Variants in WIPF3 observed in about 807,000 individuals in gnomAD.
The protein encoded by WIPF3 is WAS/WASL interacting protein family member 3.
A neutral mutation model predicts 38.9 loss-of-function variants in WIPF3; 33 were observed. That is an observed-to-expected ratio of 0.85 (90% CI 0.64 to 1.14). The LOEUF (loss-of-function observed/expected upper bound fraction) is 1.14, where lower values mean the gene tolerates loss of function less well. WIPF3 is among the 50% of genes most tolerant of loss of function. The probability of loss-of-function intolerance (pLI) is 0.00; values close to 1 mark genes in which losing one functional copy is unlikely to be tolerated. For missense variants in WIPF3, 711 were observed against 652.5 expected, an observed-to-expected ratio of 1.09 and a Z score of -0.98; for synonymous variants, 324 against 269.3, an observed-to-expected ratio of 1.20 and a Z score of -1.99.
intron 2 of WIPF3, among the ~76,000 whole-genome samples, chr7:29,854,304 A>G (rs1015036312): frequency 2.0e-5 from 3 of 152,226 alleles, no homozygotes; most frequent in African/African-American, 4.8e-5. Context: ...ATAGAATGCT[A>G]TTATAAGACC....
At chr7:29,838,049 G>T (rs190514109) in intron 2 of WIPF3, among the ~76,000 whole-genome samples, 4 of 152,296 alleles carry the variant, frequency 2.6e-5, no homozygotes, top group Admixed American at 2.6e-4. Flanking sequence ...CTCCCGAGTA[G>T]CTGGAACTAC....
At chr7:29,892,635 T>A (rs1786047091) in intron 7 of WIPF3, among the ~76,000 whole-genome samples, 1 of 152,220 alleles carries the variant, frequency 6.6e-6, no homozygotes, top group African/African-American at 2.4e-5. Flanking sequence ...TCACAGCAGA[T>A]TAAAGCCAGA....
At chr7:29,866,158 C>CA (rs962972489) in intron 2 of WIPF3, among the ~76,000 whole-genome samples, 10 of 148,260 alleles carry the variant, frequency 6.7e-5, no homozygotes, top group South Asian at 2.1e-4. Context: ...GACTCTGTCT[C>CA]AAAAAAAAAG....
At chr7:29,848,666 T>C (rs181089912) in intron 2 of WIPF3, among the ~76,000 whole-genome samples, 376 of 152,344 alleles carry the variant, frequency 2.5e-3, no homozygotes, top group Non-Finnish European at 4.1e-3. Flanking sequence ...GCTAATTTTA[T>C]TTAATAATAT....
rs750822183 is a variant in WIPF3 at position 29,843,498 on chromosome 7, CAG to C, written c.90+8685_90+8686del. On this transcript the variant is annotated intron_variant, in intron 2 of 8. Coordinates refer to ENST00000242140, the MANE Select transcript of WIPF3 (RefSeq NM_001080529.3). The stretch of plus-strand genomic sequence containing the variant: ...GCTGAGGGTTACGGCAGGAAGGTGA[CAG>C]GGGGTACAATGCCAAAGGGTGACCC... Among the ~76,000 whole-genome samples, 9 of 152,262 alleles carry C rather than the reference CAG, an allele frequency of 5.9e-5. No individual in the cohort carries two copies. In the South Asian group the frequency reaches 1.2e-3, roughly 21 times the overall value.
At chr7:29,881,593 C>T (rs1161324967) in intron 4 of WIPF3, among the ~76,000 whole-genome samples, 1 of 151,936 alleles carries the variant, frequency 6.6e-6, no homozygotes, top group Non-Finnish European at 1.5e-5. Context: ...GAGAAGAGGC[C>T]CACAAAGGCA....
rs371924598 is a variant in WIPF3 at position 29,884,386 on chromosome 7, C to G, written c.892C>G (p.Pro298Ala). The G allele has an allele frequency of 2.1e-5, 32 of 1,498,162 alleles. No individual in the cohort carries two copies. Among genetic ancestry groups the G allele is most frequent in the South Asian group, 5.2e-5 (4 of 77,228 alleles). 92.8% of individuals were successfully genotyped at this position (1,498,162 alleles called of 1,614,324 possible). A position where few individuals can be genotyped will look rare whatever the true frequency, so the allele number is the denominator to read the frequency against. The change falls in exon 5 of 9, where the codon CCT becomes GCT. Residue 298 changes from proline (P) to alanine (A), a missense_variant. Coordinates refer to ENST00000242140, the MANE Select transcript of WIPF3 (RefSeq NM_001080529.3). The stretch of plus-strand genomic sequence containing the variant: ...TCCCGCCCCGCCGCCCCCGCTCCCC[C>G]CTTATGCTTCTTGCTCCCCGAGGGC... ...EPPAPPPPLP[P>A]YASCSPRASL...
intron 1 of WIPF3, among the ~76,000 whole-genome samples, chr7:29,829,499 G>A (rs756452012): frequency 2.1e-4 from 32 of 152,192 alleles, no homozygotes; most frequent in South Asian, 6.2e-4. Context: ...GATTACAGGC[G>A]TGAGCCACCG....
intron 2 of WIPF3, among the ~76,000 whole-genome samples, chr7:29,841,670 G>A (rs906737676): frequency 6.6e-6 from 1 of 152,168 alleles, no homozygotes; most frequent in Non-Finnish European, 1.5e-5. Flanking sequence ...AAATTAGCCA[G>A]GTATGGTGGC....
chr7:29,909,139 C>G (rs1457954660), intron 8 of WIPF3, among the ~76,000 whole-genome samples: 1 of 151,996 alleles, frequency 6.6e-6, no homozygotes, highest in Non-Finnish European at 1.5e-5. Flanking sequence ...TTATGGAACA[C>G]TGAAAGCAGT....
chr7:29,838,867 T>TA (rs1784866931), intron 2 of WIPF3, among the ~76,000 whole-genome samples: 1 of 152,306 alleles, frequency 6.6e-6, no homozygotes, highest in South Asian at 2.1e-4. Flanking sequence ...GGTCATGCTC[T>TA]AAAGTATTAT....
chr7:29,896,185 T>A (rs944277281), intron 7 of WIPF3, among the ~76,000 whole-genome samples: 1 of 152,220 alleles, frequency 6.6e-6, no homozygotes, highest in Non-Finnish European at 1.5e-5. Flanking sequence ...GGTGTGCTCC[T>A]ATAGTCTCAG....
intron 2 of WIPF3, among the ~76,000 whole-genome samples, chr7:29,840,796 C>T (rs975478596): frequency 2.6e-5 from 4 of 152,068 alleles, no homozygotes; most frequent in African/African-American, 7.2e-5. Context: ...AGCCCAGGAG[C>T]AGGGTGGGGG....
At chr7:29,911,367 C>A (rs1039467028) in intron 8 of WIPF3, among the ~76,000 whole-genome samples, 1 of 152,038 alleles carries the variant, frequency 6.6e-6, no homozygotes, top group Non-Finnish European at 1.5e-5. Context: ...TAAACCCTAC[C>A]GAAATCTCAA....
rs1786610961 is a variant in WIPF3, at chr7:29,916,167, G to T, written c.*1651G>T. 6.6e-6 allele frequency: 1 copy of T among 152,190 alleles called. No individual in the cohort carries two copies. The highest frequency in any genetic ancestry group is 6.5e-5 in the Admixed American group (1 of 15,288). 9.4% of individuals were successfully genotyped at this position (152,190 alleles called of 1,614,324 possible). A position where few individuals can be genotyped will look rare whatever the true frequency, so the allele number is the denominator to read the frequency against. On this transcript the variant is annotated 3_prime_UTR_variant, in exon 9 of 9. Transcript: ENST00000242140. ...AGCTAAATAAGTAGAAGTTTTTGCA[G>T]GTCATCAGCTCTGGGCATAACTAAT...
At chr7:29,848,734 G>T (rs1430444613) in intron 2 of WIPF3, among the ~76,000 whole-genome samples, 2 of 152,110 alleles carry the variant, frequency 1.3e-5, no homozygotes, top group Admixed American at 6.5e-5. Flanking sequence ...ATATTTGTGG[G>T]TGATTTCGTA....
At chr7:29,810,205 AG>A (rs962961081) in intron 1 of WIPF3, among the ~76,000 whole-genome samples, 1 of 152,190 alleles carries the variant, frequency 6.6e-6, no homozygotes, top group African/African-American at 2.4e-5. Flanking sequence ...CCTTTATCAA[AG>A]GGGAGACAGA....
intron 7 of WIPF3, among the ~76,000 whole-genome samples, chr7:29,895,527 C>T (rs1786123179): frequency 6.6e-6 from 1 of 152,140 alleles, no homozygotes; most frequent in Non-Finnish European, 1.5e-5. Context: ...CATGGATAAA[C>T]CTTGTGTTAG....
At chr7:29,825,513 A>C (rs1784602534) in intron 1 of WIPF3, among the ~76,000 whole-genome samples, 1 of 152,224 alleles carries the variant, frequency 6.6e-6, no homozygotes, top group Non-Finnish European at 1.5e-5. Flanking sequence ...TTCTTAATTA[A>C]TTCAAGGATG....
Sources: gnomAD v4.1 joint callset for allele counts (sites outside exome capture counted in the v4.1 genomes callset) on GRCh38, gnomAD v4.1.1 for gene constraint, MANE v1.5 for transcripts, NCBI Gene and HGNC (gene_info 2026-07-23, HGNC 2026-07-21) for gene names.